Variants in KHDRBS3 observed in about 807,000 individuals in gnomAD.
KHDRBS3 encodes KH RNA binding domain containing, signal transduction associated 3, also known as KH domain-containing, RNA-binding, signal transduction-associated protein 3.
A neutral mutation model predicts 45.6 loss-of-function variants in KHDRBS3; 23 were observed. That is an observed-to-expected ratio of 0.50 (90% CI 0.36 to 0.72). The LOEUF (loss-of-function observed/expected upper bound fraction) is 0.72, where lower values mean the gene tolerates loss of function less well. Among genes scored for constraint, KHDRBS3 ranks in the 30% least tolerant of loss-of-function variants. The probability of loss-of-function intolerance (pLI) is 0.00; values close to 1 mark genes in which losing one functional copy is unlikely to be tolerated. For synonymous variants in KHDRBS3, 162 were observed against 156.5 expected (o/e 1.04, Z -0.26); for missense variants, 352 against 424.8 (o/e 0.83, Z 1.51).
chr8:135,627,768 C>G (rs777253163), intron 7 of KHDRBS3, among the ~76,000 whole-genome samples: 2 of 152,120 alleles, frequency 1.3e-5, no homozygotes, highest in Non-Finnish European at 2.9e-5. Context: ...TAGATGTTGC[C>G]TATCAGTTAT....
chr8:135,569,908 C>T (rs913845003), intron 5 of KHDRBS3, among the ~76,000 whole-genome samples: 9 of 152,050 alleles, frequency 5.9e-5, no homozygotes, highest in African/African-American at 2.2e-4. Context: ...AACCCAATTC[C>T]ATACAGTTTT....
intron 7 of KHDRBS3, among the ~76,000 whole-genome samples, chr8:135,643,189 T>G (rs767804835): frequency 1.3e-5 from 2 of 152,178 alleles, no homozygotes; most frequent in Non-Finnish European, 2.9e-5. Context: ...GCTTTGCATA[T>G]TCTGTTTCTT....
chr8:135,488,480 G>A (rs1822978458), intron 1 of KHDRBS3, among the ~76,000 whole-genome samples: 1 of 152,138 alleles, frequency 6.6e-6, no homozygotes, highest in African/African-American at 2.4e-5. Context: ...AGCTTATTAG[G>A]AGAAACACTT....
intron 3 of KHDRBS3, among the ~76,000 whole-genome samples, chr8:135,547,844 G>T (rs1184684803): frequency 6.6e-6 from 1 of 152,152 alleles, no homozygotes; most frequent in African/African-American, 2.4e-5. Flanking sequence ...GAGACTAATG[G>T]AAGACCCAGA....
intron 2 of KHDRBS3, among the ~76,000 whole-genome samples, chr8:135,526,290 G>A (rs1033512229): frequency 1.3e-5 from 2 of 151,468 alleles, no homozygotes; most frequent in African/African-American, 4.9e-5. Context: ...CAGCTTTGAG[G>A]TAAGGGAAGA....
At position 135,512,633 on chromosome 8, in the gene KHDRBS3, A is replaced by T. The variant is rs186799324; in HGVS notation, c.89-8604A>T. On this transcript the variant is annotated intron_variant, in intron 1 of 8. Coordinates refer to ENST00000355849, the MANE Select transcript of KHDRBS3 (RefSeq NM_006558.3). ...CTTTACAAACTCACTATACTCCTTT[A>T]AATTATTTTAAACATTCATTCATTC... is the stretch of plus-strand genomic sequence containing the variant. Among the ~76,000 whole-genome samples, 4 of 152,294 alleles carry T rather than the reference A, an allele frequency of 2.6e-5. No individual in the cohort carries two copies. The South Asian group carries it at 8.3e-4, about 32-fold the overall frequency.
At chr8:135,471,566 A>G (rs969161920) in intron 1 of KHDRBS3, among the ~76,000 whole-genome samples, 1 of 152,192 alleles carries the variant, frequency 6.6e-6, no homozygotes, top group Non-Finnish European at 1.5e-5. Flanking sequence ...TAATAAAGAC[A>G]AGTGCACACG....
At chr8:135,555,225 C>T (rs1426817236) in intron 4 of KHDRBS3, among the ~76,000 whole-genome samples, 1 of 152,154 alleles carries the variant, frequency 6.6e-6, no homozygotes, top group Non-Finnish European at 1.5e-5. Flanking sequence ...TCTTGCCACA[C>T]CTTTTCAGTA....
rs540253526 is a variant in KHDRBS3 at position 135,493,420 on chromosome 8, T to TA, written c.89-27816dup. 2.4e-4 allele frequency among the ~76,000 whole-genome samples: 36 copies of TA among 152,306 alleles called. 1 individual carries two copies. In the East Asian group the frequency reaches 6.9e-3, roughly 29 times the overall value. The stretch of plus-strand genomic sequence containing the variant: ...TCCAATCTTTCATCATTAATTGTGA[T>TA]ATGTGTAGGTTTTTCATAGATGTTC... On this transcript the variant is annotated intron_variant, in intron 1 of 8. Transcript: ENST00000355849.
At chr8:135,496,530 G>A (rs1355197235) in intron 1 of KHDRBS3, among the ~76,000 whole-genome samples, 1 of 150,982 alleles carries the variant, frequency 6.6e-6, no homozygotes, top group South Asian at 2.1e-4. Context: ...ACCATACCTG[G>A]CACAAGCATT....
chr8:135,485,869 T>TATATATATATATATATATATATATATATA (rs56114244), intron 1 of KHDRBS3, among the ~76,000 whole-genome samples: 9 of 143,242 alleles, frequency 6.3e-5, no homozygotes, highest in African/African-American at 2.1e-4. Flanking sequence ...TATATATATA[T>TATATATATATATATATATATATATATATA]TTTATTTTTC....
chr8:135,522,426 T>A (rs1380925745), intron 2 of KHDRBS3, among the ~76,000 whole-genome samples: 1 of 152,242 alleles, frequency 6.6e-6, no homozygotes, highest in Non-Finnish European at 1.5e-5. Flanking sequence ...TTGTTACTCT[T>A]TATTAAATAC....
Position 135,557,511 on chromosome 8 carries a change from G to C in KHDRBS3, c.535G>C (p.Glu179Gln). ...QELTYLNGGS[E>Q]NADVPVVRGK... is the part of the protein sequence containing the mutation. The stretch of plus-strand genomic sequence containing the variant: ...GTTAACATATTTGAATGGTGGTTCA[G>C]AAAATGCAGATGTTCCAGTGGTTCG... The change falls in exon 5 of 9, where the codon GAA becomes CAA. Residue 179 changes from glutamate (E) to glutamine (Q), a missense_variant. Transcript: ENST00000355849. The C allele has an allele frequency of 6.2e-7, 1 of 1,609,948 alleles. No individual in the cohort carries two copies. The highest frequency in any genetic ancestry group is 1.1e-5 in the South Asian group (1 of 90,986).
At chr8:135,496,108 G>C (rs1332682157) in intron 1 of KHDRBS3, among the ~76,000 whole-genome samples, 1 of 147,718 alleles carries the variant, frequency 6.8e-6, no homozygotes, top group East Asian at 2.0e-4. Flanking sequence ...TTTAACTACA[G>C]CTAGAGAGAT....
intron 3 of KHDRBS3, among the ~76,000 whole-genome samples, chr8:135,547,630 T>G (rs1826376162): frequency 6.6e-6 from 1 of 152,204 alleles, no homozygotes; most frequent in Non-Finnish European, 1.5e-5. Context: ...AAGGGTGAAG[T>G]CAAGGGCTAT....
At chr8:135,607,182 C>G (rs532797478) in intron 7 of KHDRBS3, 145 bp downstream of exon 7, 11 of 553,588 alleles carry the variant, frequency 2.0e-5, no homozygotes, top group Non-Finnish European at 3.5e-5. Context: ...GAAGCCCTGT[C>G]TGTTCTAGCA....
intron 3 of KHDRBS3, among the ~76,000 whole-genome samples, chr8:135,544,900 T>G (rs1218733591): frequency 1.3e-5 from 2 of 152,016 alleles, no homozygotes; most frequent in African/African-American, 4.8e-5. Context: ...GTCAGTGGAC[T>G]GAGACCAGAA....
At chr8:135,655,064 G>C (rs1335098559) in intron 4 of KHDRBS3, among the ~76,000 whole-genome samples, 1 of 152,218 alleles carries the variant, frequency 6.6e-6, no homozygotes, top group African/African-American at 2.4e-5. Context: ...TCACAGGTGT[G>C]TCTGTCACAT....
At chr8:135,547,698 G>T (rs1397967439) in intron 3 of KHDRBS3, among the ~76,000 whole-genome samples, 1 of 152,140 alleles carries the variant, frequency 6.6e-6, no homozygotes, top group Non-Finnish European at 1.5e-5. Context: ...ATTAAAAGGT[G>T]GTATTGCCAG....
Sources: allele counts gnomAD v4.1 joint callset (sites outside exome capture counted in the v4.1 genomes callset), GRCh38; gene constraint gnomAD v4.1.1; transcripts MANE v1.5; gene names NCBI Gene and HGNC (gene_info 2026-07-23, HGNC 2026-07-21).